The following HHLA2 variants were observed in gnomAD, a reference collection of about 807,000 sequenced individuals.
The protein encoded by HHLA2 is HHLA2 member of B7 family, also known as HERV-H LTR-associating protein 2.
Under a neutral mutation model 45.9 loss-of-function variants are expected in HHLA2, and 48 were observed. That is an observed-to-expected ratio of 1.05 (90% confidence interval 0.83 to 1.33). HHLA2 has a LOEUF of 1.33. Among genes scored for constraint, HHLA2 ranks in the 40% most tolerant of loss-of-function variants. HHLA2 has a pLI of 0.00. For synonymous variants in HHLA2, 161 were observed against 173.9 expected, an observed-to-expected ratio of 0.93 and a Z score of 0.59; for missense variants, 462 against 494.3, an observed-to-expected ratio of 0.93 and a Z score of 0.62.
intron 7 of HHLA2, among the ~76,000 whole-genome samples, chr3:108,361,331 C>T (rs1183223665): frequency 6.6e-6 from 1 of 152,190 alleles, no homozygotes; most frequent in East Asian, 1.9e-4. Context: ...CTCCATCCTG[C>T]CTTGAAGGTG....
At chr3:108,333,660 G>A (rs930242878) in intron 3 of HHLA2, among the ~76,000 whole-genome samples, 1 of 150,260 alleles carries the variant, frequency 6.7e-6, no homozygotes. Context: ...TCAGAGGATA[G>A]AGAGGAAAAA....
At chr3:108,353,908 G>A (rs558973789) in intron 5 of HHLA2, 128 bp downstream of exon 4, 7 of 670,788 alleles carry the variant, frequency 1.0e-5, no homozygotes, top group South Asian at 4.0e-5. Flanking sequence ...TATTTTTAAC[G>A]CACAGCAACT....
At chr3:108,343,624 T>C (rs956340376) in intron 3 of HHLA2, among the ~76,000 whole-genome samples, 4 of 152,214 alleles carry the variant, frequency 2.6e-5, no homozygotes, top group African/African-American at 9.6e-5. Context: ...ATTCTGATAT[T>C]CAGTTACAGG....
intron 8 of HHLA2, among the ~76,000 whole-genome samples, chr3:108,366,627 G>C (rs116092036): frequency 0.08 from 12,136 of 152,134 alleles, 662 homozygotes; most frequent in African/African-American, 0.16. Flanking sequence ...TGGCTGGTGG[G>C]TTATTAATTA....
intron 1 of HHLA2, among the ~76,000 whole-genome samples, chr3:108,307,276 C>G (rs1268049749): frequency 1.3e-5 from 2 of 151,932 alleles, no homozygotes; most frequent in East Asian, 3.9e-4. Flanking sequence ...TCATTTGGTT[C>G]TGAGTAATAA....
chr3:108,359,997 A>G (rs983569310), intron 7 of HHLA2, among the ~76,000 whole-genome samples: 13 of 152,324 alleles, frequency 8.5e-5, no homozygotes, highest in African/African-American at 2.9e-4. Flanking sequence ...CATTGCAATT[A>G]AAGATTTGCT....
intron 3 of HHLA2, among the ~76,000 whole-genome samples, chr3:108,334,912 T>A (rs2081445492): frequency 1.3e-5 from 2 of 152,132 alleles, no homozygotes; most frequent in Admixed American, 6.5e-5. Flanking sequence ...GTCCAGCATA[T>A]CATGACTTAA....
chr3:108,348,114 C>T (rs1053042454), intron 3 of HHLA2, among the ~76,000 whole-genome samples: 1 of 151,692 alleles, frequency 6.6e-6, no homozygotes, highest in Non-Finnish European at 1.5e-5. Context: ...GATGAACTCG[C>T]CTAAGGAGAG....
At chr3:108,365,275 T>G (rs2082045949) in intron 8 of HHLA2, among the ~76,000 whole-genome samples, 1 of 152,216 alleles carries the variant, frequency 6.6e-6, no homozygotes, top group South Asian at 2.1e-4. Context: ...ATTGCTTGTT[T>G]TTGTCAGGTT....
intron 1 of HHLA2, among the ~76,000 whole-genome samples, chr3:108,302,050 T>A (rs1018756469): frequency 9.2e-5 from 14 of 152,170 alleles, no homozygotes; most frequent in African/African-American, 3.4e-4. Context: ...GTAATCTAGA[T>A]TTGATTTCTG....
intron 2 of HHLA2, among the ~76,000 whole-genome samples, chr3:108,319,923 A>G (rs187776175): frequency 1.3e-5 from 2 of 152,340 alleles, no homozygotes; most frequent in East Asian, 3.9e-4. Flanking sequence ...CCGTGCATGC[A>G]TGTACATATC....
intron 1 of HHLA2, among the ~76,000 whole-genome samples, chr3:108,299,734 A>T (rs1337280377): frequency 6.6e-6 from 1 of 152,144 alleles, no homozygotes; most frequent in Non-Finnish European, 1.5e-5. Flanking sequence ...AATATTTCAG[A>T]CCCATAAAGG....
chr3:108,360,174 A>G (rs1221794551), intron 7 of HHLA2, among the ~76,000 whole-genome samples: 1 of 152,134 alleles, frequency 6.6e-6, no homozygotes, highest in African/African-American at 2.4e-5. Flanking sequence ...TCTTCATATA[A>G]GCCCAAAGCT....
rs114170377 is a variant in HHLA2 at position 108,356,773 on chromosome 3, A to G, written c.686-1071A>G. ...GGTCTCTACTGATTTCTGGATCCACAGCATCTAGTACAAATATAAAAATTA... is the reference window on the plus strand; with the variant it reads ...GGTCTCTACTGATTTCTGGATCCACGGCATCTAGTACAAATATAAAAATTA... On this transcript the variant is annotated intron_variant, in intron 6 of 10. Coordinates refer to ENST00000619531, the Ensembl canonical transcript of HHLA2. 7.0e-3 allele frequency among the ~76,000 whole-genome samples: 1,070 copies of G among 152,298 alleles called. 13 individuals are homozygous for G. Among genetic ancestry groups the G allele is most frequent in the African/African-American group, 0.025 (1,024 of 41,546 alleles).
At chr3:108,355,432 G>T in intron 6 of HHLA2, 51 bp downstream of exon 5, 6 of 1,555,494 alleles carry the variant, frequency 3.9e-6, no homozygotes, top group Non-Finnish European at 4.3e-6. Flanking sequence ...AAGTTGGGGG[G>T]TAATGGGGAC....
intron 3 of HHLA2, among the ~76,000 whole-genome samples, chr3:108,329,346 C>G (rs2081345180): frequency 1.3e-5 from 2 of 152,032 alleles, no homozygotes; most frequent in Admixed American, 1.3e-4. Context: ...GAAACTGATC[C>G]TATAGGGGGT....
At chr3:108,336,043 A>G (rs1227799764) in intron 3 of HHLA2, among the ~76,000 whole-genome samples, 1 of 152,034 alleles carries the variant, frequency 6.6e-6, no homozygotes, top group Non-Finnish European at 1.5e-5. Flanking sequence ...TGCCCCTGCC[A>G]GTACTACCAA....
chr3:108,311,444 GA>G (rs2107312450), intron 2 of HHLA2, among the ~76,000 whole-genome samples: 1 of 152,264 alleles, frequency 6.6e-6, no homozygotes, highest in African/African-American at 2.4e-5. Flanking sequence ...ATAAGAAGGA[GA>G]AAATGGAAAT....
chr3:108,300,748 C>T (rs1484164426), intron 1 of HHLA2, among the ~76,000 whole-genome samples: 1 of 152,120 alleles, frequency 6.6e-6, no homozygotes, highest in Non-Finnish European at 1.5e-5. Context: ...TCCTAGAAGC[C>T]TCAGTTATGT....
Sources: gnomAD v4.1 joint callset for allele counts (sites outside exome capture counted in the v4.1 genomes callset) on GRCh38, gnomAD v4.1.1 for gene constraint, MANE v1.5 for transcripts, NCBI Gene and HGNC (gene_info 2026-07-23, HGNC 2026-07-21) for gene names.